Variants in RIN2 observed in about 807,000 individuals in gnomAD.
The protein encoded by RIN2 is RAB5 interacting protein 2.
In RIN2, 36 loss-of-function variants were observed where a neutral mutation model predicts 78.0. The ratio of observed to expected loss-of-function variants is 0.46; its 90% CI spans 0.35 to 0.61. The LOEUF is 0.61. Among genes scored for constraint, RIN2 ranks in the 20% least tolerant of loss-of-function variants. RIN2 has a pLI of 0.00. For missense variants in RIN2, 1,087 were observed against 1,159.7 expected, an observed-to-expected ratio of 0.94 and a Z score of 0.91; for synonymous variants, 466 against 466.8, an observed-to-expected ratio of 1.00 and a Z score of 0.02.
chr20:19,876,678 G>A (rs984574216), intron 2 of RIN2, among the ~76,000 whole-genome samples: 1 of 152,182 alleles, frequency 6.6e-6, no homozygotes, highest in Non-Finnish European at 1.5e-5. Flanking sequence ...GCTGAGGCAG[G>A]CAGATCACTT....
intron 2 of RIN2, chr20:19,809,548 G>A (rs974608166): frequency 1.3e-5 from 2 of 152,558 alleles, no homozygotes; most frequent in Non-Finnish European, 2.9e-5. Flanking sequence ...ATGTCCTGAG[G>A]GGGAGACTGG....
intron 2 of RIN2, among the ~76,000 whole-genome samples, chr20:19,885,728 C>G (rs6046410): frequency 0.52 from 78,673 of 151,082 alleles, 20,832 homozygotes; most frequent in African/African-American, 0.61. Flanking sequence ...TTTTCGAAGA[C>G]AGGAGATTGT....
At chr20:19,945,243 G>A (rs572694623) in intron 4 of RIN2, among the ~76,000 whole-genome samples, 8 of 152,282 alleles carry the variant, frequency 5.3e-5, no homozygotes, top group Admixed American at 1.3e-4. Context: ...TGAAGATTAG[G>A]AGGCTGAGGG....
intron 2 of RIN2, chr20:19,823,869 A>G: frequency 6.2e-7 from 1 of 1,605,510 alleles, no homozygotes; most frequent in South Asian, 1.1e-5. Context: ...CCAGGGCAGA[A>G]GTGGCACCGA....
chr20:19,962,624 G>A (rs2041801615), intron 6 of RIN2, among the ~76,000 whole-genome samples: 2 of 152,332 alleles, frequency 1.3e-5, no homozygotes, highest in African/African-American at 4.8e-5. Flanking sequence ...CCACAGGCCT[G>A]GGTCCCACTG....
chr20:19,785,664 A>G (rs1174115771), intron 1 of RIN2, among the ~76,000 whole-genome samples: 1 of 152,172 alleles, frequency 6.6e-6, no homozygotes, highest in South Asian at 2.1e-4. Flanking sequence ...GTTGGCTATC[A>G]TTTTTACTTG....
intron 2 of RIN2, among the ~76,000 whole-genome samples, chr20:19,876,470 G>T (rs941583368): frequency 2.6e-5 from 4 of 152,200 alleles, no homozygotes; most frequent in Non-Finnish European, 5.9e-5. Context: ...GGAAAATAGG[G>T]CCTATGGAGA....
At chr20:19,811,803 G>GA (rs1318963241) in intron 2 of RIN2, among the ~76,000 whole-genome samples, 10 of 150,538 alleles carry the variant, frequency 6.6e-5, no homozygotes, top group East Asian at 5.9e-4. Flanking sequence ...GTTTTGAGTA[G>GA]AAAAAAGCAC....
intron 2 of RIN2, among the ~76,000 whole-genome samples, chr20:19,882,292 A>G (rs1457826368): frequency 6.6e-6 from 1 of 152,238 alleles, no homozygotes; most frequent in African/African-American, 2.4e-5. Context: ...CTTAAACAGT[A>G]AAGTTTCACG....
chr20:19,865,092 C>T (rs949356198), intron 2 of RIN2, among the ~76,000 whole-genome samples: 4 of 152,156 alleles, frequency 2.6e-5, no homozygotes, highest in African/African-American at 7.2e-5. Context: ...ATGTTTACGA[C>T]TCCCCCAGAT....
At chr20:19,868,620 A>G (rs919863124) in intron 2 of RIN2, among the ~76,000 whole-genome samples, 4 of 152,138 alleles carry the variant, frequency 2.6e-5, no homozygotes, top group African/African-American at 9.7e-5. Flanking sequence ...TCCATCCTGT[A>G]GGGGCACACA....
At chr20:19,845,712 G>T (rs1407483684) in intron 2 of RIN2, among the ~76,000 whole-genome samples, 3 of 151,880 alleles carry the variant, frequency 2.0e-5, no homozygotes, top group African/African-American at 7.3e-5. Context: ...CTTTTGCTGT[G>T]CAGAAGCTCT....
chr20:19,991,512 A>T (rs948718292), intron 10 of RIN2, among the ~76,000 whole-genome samples: 2 of 152,168 alleles, frequency 1.3e-5, no homozygotes, highest in Admixed American at 1.3e-4. Context: ...CCCTCCAGTT[A>T]TGTCAATGAA....
At chr20:19,967,058 G>T (rs1316970634) in intron 7 of RIN2, among the ~76,000 whole-genome samples, 1 of 152,214 alleles carries the variant, frequency 6.6e-6, no homozygotes, top group African/African-American at 2.4e-5. Flanking sequence ...TTCACAGTTT[G>T]CTTTTTGGTA....
intron 3 of RIN2, among the ~76,000 whole-genome samples, chr20:19,923,850 C>G (rs1427117924): frequency 6.6e-6 from 1 of 151,938 alleles, no homozygotes; most frequent in Non-Finnish European, 1.5e-5. Context: ...AATAGAACAT[C>G]CCGATTTTGA....
At chr20:19,866,332 C>T (rs759461571) in intron 2 of RIN2, among the ~76,000 whole-genome samples, 1 of 152,150 alleles carries the variant, frequency 6.6e-6, no homozygotes, top group Non-Finnish European at 1.5e-5. Flanking sequence ...TCACTGCTCA[C>T]CTCCTGCTGT....
chr20:19,970,692 A>G, intron 7 of RIN2, 146 bp from the exon 8 acceptor site: 2 of 666,776 alleles, frequency 3.0e-6, no homozygotes, highest in East Asian at 2.8e-5. Context: ...TTTTACCACC[A>G]GGAAAGATAA....
intron 2 of RIN2, among the ~76,000 whole-genome samples, chr20:19,864,529 A>G (rs1345789868): frequency 1.3e-5 from 2 of 152,210 alleles, no homozygotes; most frequent in East Asian, 3.8e-4. Context: ...ACAAGAAGAA[A>G]AAAGGACCAA....
At chr20:19,852,741 A>G (rs1347686284) in intron 2 of RIN2, among the ~76,000 whole-genome samples, 1 of 152,170 alleles carries the variant, frequency 6.6e-6, no homozygotes, top group Non-Finnish European at 1.5e-5. Flanking sequence ...TGAAATTATT[A>G]TTCTGTGACT....
Sources: allele counts gnomAD v4.1 joint callset (sites outside exome capture counted in the v4.1 genomes callset), GRCh38; gene constraint gnomAD v4.1.1; transcripts MANE v1.5; gene names NCBI Gene and HGNC (gene_info 2026-07-23, HGNC 2026-07-21).